The following HNF1B variants were observed in gnomAD, a reference collection of about 807,000 sequenced individuals.
The protein encoded by HNF1B is HNF1 homeobox B.
In HNF1B, 8 loss-of-function variants were observed where a neutral mutation model predicts 61.7. That is an observed-to-expected ratio of 0.13 (90% confidence interval 0.08 to 0.23). The LOEUF is 0.23. Among genes scored for constraint, HNF1B ranks in the 10% least tolerant of loss-of-function variants. The pLI, the probability that HNF1B is intolerant of heterozygous loss-of-function variation, is 1.00. For missense variants in HNF1B, 562 were observed against 714.5 expected (o/e 0.79, Z 2.43); for synonymous variants, 314 against 287.7 (o/e 1.09, Z -0.93).
chr17:37,721,029 T>G (rs1349250957), intron 4 of HNF1B: 2 of 854,196 alleles, frequency 2.3e-6, no homozygotes, highest in African/African-American at 3.7e-5. Flanking sequence ...TTTTCCACTC[T>G]TGCTGAACAA....
chr17:37,721,059 T>A (rs1404617465), intron 4 of HNF1B: 9 of 595,734 alleles, frequency 1.5e-5, no homozygotes, highest in Non-Finnish European at 1.9e-5. Flanking sequence ...TAGACTTCAC[T>A]GCCAACCCAG....
chr17:37,734,883 G>A (rs2033790571), intron 2 of HNF1B, among the ~76,000 whole-genome samples: 1 of 151,454 alleles, frequency 6.6e-6, no homozygotes, highest in Admixed American at 6.6e-5. Flanking sequence ...CCGCCTCCCG[G>A]GTTCAAACAA....
chr17:37,715,370 G>T (rs1456131028), intron 4 of HNF1B, among the ~76,000 whole-genome samples: 1 of 152,178 alleles, frequency 6.6e-6, no homozygotes, highest in Non-Finnish European at 1.5e-5. Context: ...GGAGCATCAC[G>T]TCTAGCAGAA....
At chr17:37,720,372 T>A (rs1031043282) in intron 4 of HNF1B, among the ~76,000 whole-genome samples, 2 of 152,222 alleles carry the variant, frequency 1.3e-5, no homozygotes, top group East Asian at 3.9e-4. Context: ...GAGAAACTCA[T>A]GATACGTTCT....
chr17:37,732,737 C>A (rs1472490924), intron 3 of HNF1B, among the ~76,000 whole-genome samples: 1 of 152,166 alleles, frequency 6.6e-6, no homozygotes, highest in African/African-American at 2.4e-5. Flanking sequence ...ATTTAGGAGG[C>A]CAAGGCAGGA....
chr17:37,706,393 T>C (rs2032749920), intron 5 of HNF1B, among the ~76,000 whole-genome samples: 1 of 152,094 alleles, frequency 6.6e-6, no homozygotes, highest in Non-Finnish European at 1.5e-5. Context: ...GTAACTCAAC[T>C]TTCCTTCTTC....
At chr17:37,720,438 A>G (rs1021473279) in intron 4 of HNF1B, among the ~76,000 whole-genome samples, 9 of 152,060 alleles carry the variant, frequency 5.9e-5, no homozygotes, top group African/African-American at 1.4e-4. Context: ...CTGTATACTT[A>G]AGCAGTGTTA....
intron 4 of HNF1B, among the ~76,000 whole-genome samples, chr17:37,725,553 C>T (rs1435360460): frequency 6.6e-6 from 1 of 152,196 alleles, no homozygotes; most frequent in Non-Finnish European, 1.5e-5. Flanking sequence ...TAAAATGGCA[C>T]TCAGATAAAG....
Position 37,710,609 on chromosome 17 carries a change from C to T in HNF1B, c.1100G>A (p.Ser367Asn). ...NNEITSSSTISHHGNSAMVTS... is the reference protein window; with the variant it reads ...NNEITSSSTINHHGNSAMVTS... Reference sequence around the variant, plus strand: ...CACCATGGCGCTGTTGCCATGGTGACTGATTGTTGAGGAGGAAGTGATCTC... The same window carrying T: ...CACCATGGCGCTGTTGCCATGGTGATTGATTGTTGAGGAGGAAGTGATCTC... Residue 367 changes from serine (S) to asparagine (N), a missense_variant, in exon 5 of 9, where the codon AGT becomes AAT. By Grantham distance (46) the Ser-to-Asn change is conservative. Around this residue, in one of 6 missense-constraint regions of HNF1B, gnomAD observed 211 missense variants for 200.7 expected, o/e 1.05. Coordinates refer to ENST00000617811, the MANE Select transcript of HNF1B (RefSeq NM_000458.4). 6.2e-7 allele frequency: 1 copy of T among 1,613,786 alleles called. No individual in the cohort carries two copies. The highest frequency in any genetic ancestry group is 8.5e-7 in the Non-Finnish European group (1 of 1,180,028).
At chr17:37,711,112 C>T (rs1295979056) in intron 4 of HNF1B, among the ~76,000 whole-genome samples, 1 of 152,178 alleles carries the variant, frequency 6.6e-6, no homozygotes, top group Admixed American at 6.5e-5. Flanking sequence ...CCTCGTGGTG[C>T]TGCAAAGTAT....
At chr17:37,719,155 G>C (rs908566249) in intron 4 of HNF1B, among the ~76,000 whole-genome samples, 1 of 149,286 alleles carries the variant, frequency 6.7e-6, no homozygotes, top group African/African-American at 2.6e-5. Flanking sequence ...TTGAAGAGAT[G>C]GGGGGGTCTA....
chr17:37,739,813 G>A (rs930096591), intron 1 of HNF1B, among the ~76,000 whole-genome samples, 174 bp from the exon 2 acceptor site: 11 of 152,194 alleles, frequency 7.2e-5, no homozygotes, highest in Admixed American at 6.5e-4. Context: ...AGGAGAAGGT[G>A]ACTGCCCCTG....
intron 8 of HNF1B, among the ~76,000 whole-genome samples, chr17:37,688,308 T>G (rs1190558454): frequency 6.6e-6 from 1 of 151,736 alleles, no homozygotes; most frequent in African/African-American, 2.4e-5. Context: ...TGTCTCCTCC[T>G]TCCCTTTTGC....
Position 37,744,919 on chromosome 17 carries a change from T to TGGGGGGG in HNF1B, c.-36_-35insCCCCCCC. Reference sequence around the variant, plus strand: ...ACGGAAAAAGAAGGGGGTGAGGGGGTGGGTGGGTGCGAGAGAGGAGGGTGG... The same window carrying TGGGGGGG: ...ACGGAAAAAGAAGGGGGTGAGGGGGTGGGGGGGGGGTGGGTGCGAGAGAGGAGGGTGG... On this transcript the variant is annotated 5_prime_UTR_variant, in exon 1 of 9. Coordinates refer to ENST00000617811, the MANE Select transcript of HNF1B (RefSeq NM_000458.4). The TGGGGGGG allele has an allele frequency of 1.1e-5, 4 of 378,260 alleles. No homozygotes were observed. Among genetic ancestry groups the TGGGGGGG allele is most frequent in the East Asian group, 5.0e-5 (1 of 20,032 alleles). The allele number at this position is 378,260 out of a possible 1,614,324, so 23.4% of individuals were successfully genotyped here.
At chr17:37,731,856 T>G (rs1385174341) in intron 3 of HNF1B, 26 bp from the exon 4 acceptor site, 171 of 1,306,900 alleles carry the variant, frequency 1.3e-4, no homozygotes, top group South Asian at 2.8e-4. Flanking sequence ...GGGGAGATGG[T>G]GAGTGAGGGG....
intron 5 of HNF1B, among the ~76,000 whole-genome samples, chr17:37,707,838 G>A (rs1217692176): frequency 6.6e-6 from 1 of 151,370 alleles, no homozygotes; most frequent in Non-Finnish European, 1.5e-5. Flanking sequence ...TTTTGTCAAT[G>A]CGTGACATTT....
chr17:37,739,609 G>T lies in HNF1B; in HGVS notation c.375C>A (p.Ile125=), dbSNP rs770550658. ...SEDPWRAAKM[I]KGYMQQHNIP... ...TGTTGTGTTGCTGCATGTAACCCTT[G>T]ATCATTTTAGCAGCCCTCCAAGGGT... is the stretch of plus-strand genomic sequence containing the variant. The change falls in exon 2 of 9, where the codon ATC becomes ATA. Residue 125 remains isoleucine, a synonymous_variant. Transcript: ENST00000617811. The T allele has an allele frequency of 3.1e-6, 5 of 1,613,754 alleles. No individual in the cohort carries two copies. Among genetic ancestry groups the T allele is most frequent in the Admixed American group, 1.7e-5 (1 of 59,930 alleles).
rs34973944 is a variant in HNF1B at position 37,731,707 on chromosome 17, T to C, written c.933A>G (p.Gln311=). The change falls in exon 4 of 9, where the codon CAA becomes CAG. Residue 311 remains glutamine, a synonymous_variant. Transcript: ENST00000617811. ...AGCTATAGGCGTCCATGGCCAGCTT[T>C]TGCCGGAATGCCTCCTCCTTCCTGC... ...ANRRKEEAFR[Q]KLAMDAYSSN... is the part of the protein sequence containing the mutation. 16 of 1,614,028 alleles carry C rather than the reference T, an allele frequency of 9.9e-6. 1 individual carries two copies. The highest frequency in any genetic ancestry group is 3.3e-4 in the Middle Eastern group (2 of 6,084).
chr17:37,718,238 G>C (rs2033189287), intron 4 of HNF1B, among the ~76,000 whole-genome samples: 1 of 152,162 alleles, frequency 6.6e-6, no homozygotes, highest in Admixed American at 6.5e-5. Context: ...TTGCACATGT[G>C]GGGAGGTAGA....
Sources: gnomAD v4.1 joint callset for allele counts (sites outside exome capture counted in the v4.1 genomes callset) on GRCh38, gnomAD v4.1.1 for gene constraint, gnomAD v4.1.1 regional missense constraint, MANE v1.5 for transcripts, NCBI Gene and HGNC (gene_info 2026-07-23, HGNC 2026-07-21) for gene names.